MTSS1: variants seen among roughly 807,000 people sequenced by gnomAD.
MTSS1 encodes the protein MTSS I-BAR domain containing 1.
In MTSS1, 18 loss-of-function variants were observed where a neutral mutation model predicts 79.0. The observed-to-expected ratio is 0.23, with a 90% CI of 0.16 to 0.34. MTSS1 has a LOEUF of 0.34. MTSS1 is among the 10% of genes least tolerant of loss of function. The pLI is 1.00. For missense variants in MTSS1, 815 were observed against 986.2 expected, an observed-to-expected ratio of 0.83 and a Z score of 2.33; for synonymous variants, 341 against 368.6, an observed-to-expected ratio of 0.93 and a Z score of 0.86.
In MTSS1 at chr8:124,553,115, ACT is replaced by A. The variant is rs928741031; in HGVS notation, c.2143_2144del (p.Ser715Ter). On this transcript the variant is annotated frameshift_variant, in exon 14 of 14. Coordinates refer to ENST00000518547, the MANE Select transcript of MTSS1 (RefSeq NM_014751.6). LOFTEE classifies it high-confidence loss of function. This position sits in a 1 kb window ranked among gnomAD's most constrained non-coding sequence, Gnocchi z 6.0. ...CCCTTGGGCTCAGGTCTGCAGGGTCACTCTCTGGAATCTGGCCTGGGGAGACA... is the reference window on the plus strand; with the variant it reads ...CCCTTGGGCTCAGGTCTGCAGGGTCACTCTGGAATCTGGCCTGGGGAGACA... ...ATVSPGQIPE[S>X]DPADLSPRDT... 1 of 1,613,578 alleles carries A rather than the reference ACT, an allele frequency of 6.2e-7. No homozygotes were observed. Among genetic ancestry groups the A allele is most frequent in the Non-Finnish European group, 8.5e-7 (1 of 1,179,922 alleles).
rs377459527 is a variant in MTSS1, at chr8:124,565,650, G to C, written c.824+12C>G. On this transcript the variant is annotated intron_variant, in intron 9 of 13. Coordinates refer to ENST00000518547, the MANE Select transcript of MTSS1 (RefSeq NM_014751.6). ...CGTCCTGAAAGCAAGAGTGGACCCC[G>C]GCTTCACTCACCTGCAGACACTGGA... The C allele has an allele frequency of 1.2e-6, 2 of 1,609,984 alleles. No individual in the cohort carries two copies. Among genetic ancestry groups the C allele is most frequent in the East Asian group, 4.5e-5 (2 of 44,850 alleles).
intron 1 of MTSS1, among the ~76,000 whole-genome samples, chr8:124,707,419 AC>A (rs1203599797): frequency 5.0e-4 from 72 of 143,706 alleles, no homozygotes; most frequent in Non-Finnish European, 6.6e-4. Context: ...AAACAAACAA[AC>A]AAAAAAAAAA....
At chr8:124,663,275 A>T (rs916638281) in intron 3 of MTSS1, among the ~76,000 whole-genome samples, 2 of 152,172 alleles carry the variant, frequency 1.3e-5, no homozygotes, top group African/African-American at 4.8e-5. Flanking sequence ...ACAGACTGAC[A>T]GACACACACG....
intron 3 of MTSS1, among the ~76,000 whole-genome samples, chr8:124,633,702 G>A (rs533986583): frequency 2.6e-5 from 4 of 151,968 alleles, no homozygotes; most frequent in African/African-American, 9.6e-5. Flanking sequence ...CCCAGGAGGC[G>A]GAGGTTGCAG....
At chr8:124,593,786 A>G (rs2132753808) in intron 3 of MTSS1, among the ~76,000 whole-genome samples, 1 of 152,354 alleles carries the variant, frequency 6.6e-6, no homozygotes, top group East Asian at 1.9e-4. Context: ...GTGGAACTCA[A>G]ACCTAGGCTT....
At chr8:124,567,320 G>A (rs1826710069) in intron 7 of MTSS1, 142 bp from the exon 8 acceptor site, 2 of 734,826 alleles carry the variant, frequency 2.7e-6, no homozygotes, top group Admixed American at 5.7e-5. Context: ...AATCTTTGCT[G>A]AAGGCACTAC....
intron 1 of MTSS1, among the ~76,000 whole-genome samples, chr8:124,706,725 G>A (rs562286852): frequency 1.3e-5 from 2 of 152,316 alleles, no homozygotes; most frequent in Admixed American, 1.3e-4. Context: ...GTGTGCCCTG[G>A]GGGTTACTTC....
At chr8:124,653,873 A>G (rs1256210242) in intron 3 of MTSS1, among the ~76,000 whole-genome samples, 1 of 152,226 alleles carries the variant, frequency 6.6e-6, no homozygotes, top group African/African-American at 2.4e-5. Context: ...AATCGACAGA[A>G]CTACTAGACA....
intron 3 of MTSS1, among the ~76,000 whole-genome samples, chr8:124,658,175 C>A (rs1312729036): frequency 6.6e-6 from 1 of 152,142 alleles, no homozygotes; most frequent in Non-Finnish European, 1.5e-5. Flanking sequence ...CATCCCCGCC[C>A]AAATCTCATC....
chr8:124,683,781 C>T lies in MTSS1; in HGVS notation c.208+15745G>A, dbSNP rs1036349167. The stretch of plus-strand genomic sequence containing the variant: ...TACAGCAGTTAAAAGCCTCCAGGCT[C>T]TGGAATCAGAGCCCAGTTGCAGCCT... On this transcript the variant is annotated intron_variant, in intron 3 of 13. Transcript: ENST00000518547. This position sits in a 1 kb window ranked among gnomAD's most constrained non-coding sequence, Gnocchi z 4.5. Among the ~76,000 whole-genome samples, 14 of 152,188 alleles carry T rather than the reference C, an allele frequency of 9.2e-5. No individual in the cohort carries two copies. The highest frequency in any genetic ancestry group is 4.1e-4 in the South Asian group (2 of 4,832).
chr8:124,608,926 T>C (rs564316610), intron 3 of MTSS1, among the ~76,000 whole-genome samples: 2 of 152,326 alleles, frequency 1.3e-5, no homozygotes, highest in East Asian at 1.9e-4. Flanking sequence ...AACTTCAGTA[T>C]ACACAAGGAT....
intron 3 of MTSS1, among the ~76,000 whole-genome samples, chr8:124,606,901 T>G (rs879720602): frequency 5.9e-5 from 9 of 152,250 alleles, no homozygotes; most frequent in Admixed American, 2.0e-4. Flanking sequence ...GACCCCTCCT[T>G]ATTTGCCAGG....
chr8:124,668,876 T>G (rs59428415), intron 3 of MTSS1, among the ~76,000 whole-genome samples: 4,250 of 152,302 alleles, frequency 0.028, 191 homozygotes, highest in African/African-American at 0.096. Context: ...CATTACCACC[T>G]TCTTGTACAC....
intron 3 of MTSS1, among the ~76,000 whole-genome samples, chr8:124,674,209 C>A (rs1824852099): frequency 6.6e-6 from 1 of 152,126 alleles, no homozygotes; most frequent in Admixed American, 6.5e-5. Context: ...CGGCTCACTG[C>A]AACTAGGTTT....
chr8:124,576,386 C>T (rs1158679286), intron 6 of MTSS1, among the ~76,000 whole-genome samples: 1 of 152,124 alleles, frequency 6.6e-6, no homozygotes, highest in East Asian at 1.9e-4. Context: ...TGGGACTGAA[C>T]TCTTAGCTTG....
intron 1 of MTSS1, among the ~76,000 whole-genome samples, chr8:124,717,539 G>C (rs916950981): frequency 6.6e-6 from 1 of 150,988 alleles, no homozygotes; most frequent in African/African-American, 2.5e-5. Flanking sequence ...AGGTGGCAGC[G>C]AGCCAAGATT....
intron 3 of MTSS1, among the ~76,000 whole-genome samples, chr8:124,615,524 C>T (rs1384324705): frequency 2.0e-5 from 3 of 152,168 alleles, no homozygotes; most frequent in Non-Finnish European, 1.5e-5. Context: ...GAATCACACT[C>T]ACAGAAACAG....
At chr8:124,668,151 C>T (rs1048812473) in intron 3 of MTSS1, among the ~76,000 whole-genome samples, 2 of 152,192 alleles carry the variant, frequency 1.3e-5, no homozygotes, top group African/African-American at 4.8e-5. Context: ...AAGATGCCAA[C>T]AGGCCCGGCC....
chr8:124,557,588 G>T, intron 11 of MTSS1, 93 bp downstream of exon 11: 1 of 1,258,618 alleles, frequency 7.9e-7, no homozygotes. Flanking sequence ...AAAGGAAGGG[G>T]ATGAGGGGAT....
Sources: allele counts gnomAD v4.1 joint callset (sites outside exome capture counted in the v4.1 genomes callset), GRCh38; gene constraint gnomAD v4.1.1; non-coding constraint Gnocchi (gnomAD v3.1); transcripts MANE v1.5; gene names NCBI Gene and HGNC (gene_info 2026-07-23, HGNC 2026-07-21).